The following PRKCB variants were observed in gnomAD, a reference collection of about 807,000 sequenced individuals.
PRKCB encodes protein kinase C beta.
A neutral mutation model predicts 81.5 loss-of-function variants in PRKCB; 13 were observed. The ratio of observed to expected loss-of-function variants is 0.16; its 90% CI spans 0.10 to 0.25. PRKCB has a LOEUF of 0.25. PRKCB is among the 10% of genes least tolerant of loss of function. The probability of loss-of-function intolerance (pLI) is 1.00; values close to 1 mark genes in which losing one functional copy is unlikely to be tolerated. For synonymous variants in PRKCB, 335 were observed against 321.4 expected, an observed-to-expected ratio of 1.04 and a Z score of -0.45; for missense variants, 509 against 875.7, an observed-to-expected ratio of 0.58 and a Z score of 5.29.
At chr16:24,063,574 C>T (rs889886463) in intron 5 of PRKCB, among the ~76,000 whole-genome samples, 2 of 152,144 alleles carry the variant, frequency 1.3e-5, no homozygotes, top group African/African-American at 4.8e-5. Flanking sequence ...GGATTACAGG[C>T]GTGAGTCACC....
chr16:23,927,402 G>A (rs2141752385), intron 2 of PRKCB, among the ~76,000 whole-genome samples: 1 of 152,198 alleles, frequency 6.6e-6, no homozygotes, highest in South Asian at 2.1e-4. Flanking sequence ...CAGAGAAAAG[G>A]AAGTAAGGAA....
chr16:23,848,770 T>C (rs1046423873), intron 2 of PRKCB, among the ~76,000 whole-genome samples: 2 of 152,248 alleles, frequency 1.3e-5, no homozygotes, highest in African/African-American at 4.8e-5. Context: ...TTCTGTTTTT[T>C]CATAGCTAAA....
intron 8 of PRKCB, among the ~76,000 whole-genome samples, chr16:24,120,978 G>T (rs892529381): frequency 2.0e-5 from 3 of 152,190 alleles, no homozygotes; most frequent in Non-Finnish European, 4.4e-5. Context: ...TCTCCACTCA[G>T]AGTGACCTGT....
chr16:24,162,153 A>C (rs1368127311), intron 10 of PRKCB, among the ~76,000 whole-genome samples: 1 of 152,110 alleles, frequency 6.6e-6, no homozygotes, highest in Non-Finnish European at 1.5e-5. Context: ...GAGGAACGTC[A>C]ATTCAGAATG....
chr16:23,956,592 T>C (rs540549988), intron 2 of PRKCB, among the ~76,000 whole-genome samples: 2 of 152,308 alleles, frequency 1.3e-5, no homozygotes, highest in Admixed American at 1.3e-4. Flanking sequence ...GCAAAGGATA[T>C]TAACATTTTT....
chr16:24,218,020 T>C lies in PRKCB; in HGVS notation c.*3204T>C, dbSNP rs1384027276. 1.0e-6 allele frequency: 1 copy of C among 985,260 alleles called. No individual in the cohort carries two copies. Among genetic ancestry groups the C allele is most frequent in the African/African-American group, 1.7e-5 (1 of 57,216 alleles). 61.0% of individuals were successfully genotyped at this position (985,260 alleles called of 1,614,324 possible). On this transcript the variant is annotated 3_prime_UTR_variant, in exon 17 of 17. Transcript: ENST00000643927. ...AAAGGATAGAGGCATATCCCAAGTC[T>C]TCCTTCATTCCACAAATAATTACAA...
chr16:24,033,358 A>G (rs1965572086), intron 4 of PRKCB, among the ~76,000 whole-genome samples: 1 of 152,130 alleles, frequency 6.6e-6, no homozygotes, highest in African/African-American at 2.4e-5. Context: ...GATGCAGGGG[A>G]AAGATGGACA....
intron 3 of PRKCB, among the ~76,000 whole-genome samples, chr16:24,007,741 G>A (rs941236888): frequency 1.3e-5 from 2 of 152,190 alleles, no homozygotes; most frequent in African/African-American, 4.8e-5. Context: ...TAGTTGGGAG[G>A]CAGGACCAGC....
chr16:24,084,199 T>C (rs1254648185), intron 5 of PRKCB, among the ~76,000 whole-genome samples: 1 of 152,058 alleles, frequency 6.6e-6, no homozygotes, highest in East Asian at 1.9e-4. Context: ...CAAATAGCAT[T>C]TATCCATGGG....
At chr16:23,983,776 C>A (rs1444366594) in intron 2 of PRKCB, among the ~76,000 whole-genome samples, 4 of 151,658 alleles carry the variant, frequency 2.6e-5, no homozygotes, top group African/African-American at 9.7e-5. Flanking sequence ...AGTGCAGTGG[C>A]GTGATCTCGG....
chr16:24,049,854 A>G (rs1229704573), intron 5 of PRKCB, among the ~76,000 whole-genome samples: 1 of 152,210 alleles, frequency 6.6e-6, no homozygotes, highest in Admixed American at 6.5e-5. Flanking sequence ...ACGCCTGTGT[A>G]TCGCTCAGGG....
At chr16:23,937,941 A>C (rs1438410048) in intron 2 of PRKCB, among the ~76,000 whole-genome samples, 2 of 152,182 alleles carry the variant, frequency 1.3e-5, no homozygotes, top group Admixed American at 6.5e-5. Context: ...GACCGAAGGA[A>C]CTAGGGTGTG....
At chr16:24,164,441 G>A (rs1967311605) in intron 10 of PRKCB, among the ~76,000 whole-genome samples, 1 of 152,194 alleles carries the variant, frequency 6.6e-6, no homozygotes, top group African/African-American at 2.4e-5. Context: ...GGCACTTGAA[G>A]CTTAGAGGGC....
intron 3 of PRKCB, among the ~76,000 whole-genome samples, chr16:24,008,662 C>G (rs779274483): frequency 2.0e-5 from 3 of 152,002 alleles, no homozygotes; most frequent in African/African-American, 4.8e-5. Context: ...GGCTGCTTTT[C>G]CCCCCACCCC....
chr16:24,168,716 ATTTTTTTTTTT>A (rs945320742), intron 10 of PRKCB, among the ~76,000 whole-genome samples: 1 of 74,498 alleles, frequency 1.3e-5, no homozygotes, highest in East Asian at 3.2e-4. Flanking sequence ...ATGCCTGGCT[ATTTTTTTTTTT>A]TTTTTTTTTT....
rs149106671 is a variant in PRKCB at position 23,883,264 on chromosome 16, C to T, written c.205+45858C>T. 5.2e-3 allele frequency among the ~76,000 whole-genome samples: 784 copies of T among 152,200 alleles called. 6 individuals carry two copies. The highest frequency in any genetic ancestry group is 0.015 in the South Asian group (71 of 4,818). On this transcript the variant is annotated intron_variant, in intron 2 of 16. Transcript: ENST00000643927. The stretch of plus-strand genomic sequence containing the variant: ...GGCTACTTTAGATCAGAAAGGCCTT[C>T]CTAACTGGGTGACAGGTGACCTGAG...
chr16:24,191,855 C>T (rs979989870), intron 16 of PRKCB, among the ~76,000 whole-genome samples: 4 of 152,328 alleles, frequency 2.6e-5, no homozygotes, highest in African/African-American at 9.6e-5. Flanking sequence ...TCTCACATTT[C>T]CCACAGTCCA....
chr16:24,176,208 C>T lies in PRKCB; in HGVS notation c.1394+1628C>T, dbSNP rs78231753. Among the ~76,000 whole-genome samples, 1,338 of 152,038 alleles carry T rather than the reference C, an allele frequency of 8.8e-3. 26 individuals carry two copies. The highest frequency in any genetic ancestry group is 0.031 in the African/African-American group (1,289 of 41,444). ...AAGTCCCCGCCATTCCTACTTTCTC[C>T]TAATGATGGAGGGAAGAAGGTCAAG... is the stretch of plus-strand genomic sequence containing the variant. On this transcript the variant is annotated intron_variant, in intron 12 of 16. Transcript: ENST00000643927.
At chr16:23,933,768 CTCCATCCATCCATCCA>C (rs377110328) in intron 2 of PRKCB, among the ~76,000 whole-genome samples, 4 of 125,626 alleles carry the variant, frequency 3.2e-5, no homozygotes, top group East Asian at 2.5e-4. Flanking sequence ...CATCTATCCA[CTCCATCCATCCATCCA>C]TCCATCCATC....
Sources: gnomAD v4.1 joint callset for allele counts (sites outside exome capture counted in the v4.1 genomes callset) on GRCh38, gnomAD v4.1.1 for gene constraint, MANE v1.5 for transcripts, NCBI Gene and HGNC (gene_info 2026-07-23, HGNC 2026-07-21) for gene names.